Variants in FAAP100 observed in about 807,000 individuals in gnomAD.
FAAP100 encodes the protein FA core complex associated protein 100.
In FAAP100, 46 loss-of-function variants were observed where a neutral mutation model predicts 65.8. The ratio of observed to expected loss-of-function variants is 0.70; its 90% confidence interval spans 0.55 to 0.89. The LOEUF (loss-of-function observed/expected upper bound fraction) is 0.89. Ranked by LOEUF, FAAP100 falls within the 40% of genes least tolerant of loss-of-function variation. FAAP100 has a pLI of 0.00. For synonymous variants in FAAP100, 663 were observed against 555.1 expected, an observed-to-expected ratio of 1.19 and a Z score of -2.73; for missense variants, 1,165 against 1,196.7, an observed-to-expected ratio of 0.97 and a Z score of 0.39.
chr17:81,547,266 G>A lies in FAAP100; in HGVS notation c.1816C>T (p.Leu606Phe). The A allele has an allele frequency of 1.2e-6, 2 of 1,603,754 alleles. No homozygotes were observed. Among genetic ancestry groups the A allele is most frequent in the Non-Finnish European group, 1.7e-6 (2 of 1,173,140 alleles). The change falls in exon 5 of 9, where the codon CTC becomes TTC. Residue 606 changes from leucine (L) to phenylalanine (F), a missense_variant. By Grantham distance (22) the Leu-to-Phe change is conservative. Transcript: ENST00000327787. ...VTVSCTLFYS[L>F]REVVGGALAP... ...AGGGCCCCGCCCACCACCTCCCTGA[G>A]ACTGTAGAACAGCGTGCAGGACACG... is the stretch of plus-strand genomic sequence containing the variant.
Position 81,544,636 on chromosome 17 carries a change from C to A in FAAP100, c.2311-516G>T, listed in dbSNP as rs10871498. 4.2e-3 allele frequency among the ~76,000 whole-genome samples: 645 copies of A among 152,336 alleles called. 2 individuals are homozygous for A. The highest frequency in any genetic ancestry group is 0.01 in the Middle Eastern group (3 of 294). ...CTTAGGAAGGTTGGACTGAGCTGAG[C>A]TGGACAACAAATGGCAAGAACAGGC... On this transcript the variant is annotated intron_variant, in intron 6 of 8. Transcript: ENST00000327787.
At chr17:81,542,985 C>T (rs1337613207) in intron 7 of FAAP100, among the ~76,000 whole-genome samples, 3 of 152,222 alleles carry the variant, frequency 2.0e-5, no homozygotes, top group East Asian at 1.9e-4. Context: ...GCAGCCCCAT[C>T]GTGGTGCCGT....
chr17:81,551,592 C>A (rs2033497008), intron 2 of FAAP100: 4 of 954,114 alleles, frequency 4.2e-6, no homozygotes. Flanking sequence ...GACTCGGGGT[C>A]ACGGTGCCTT....
chr17:81,552,457 G>T, upstream of FAAP100: 3 of 908,756 alleles, frequency 3.3e-6, no homozygotes, highest in Non-Finnish European at 4.3e-6. Flanking sequence ...TGCCGGGGGC[G>T]GGCCGGAAAG....
chr17:81,542,664 C>T (rs766384268), intron 7 of FAAP100, among the ~76,000 whole-genome samples: 1 of 152,188 alleles, frequency 6.6e-6, no homozygotes, highest in Non-Finnish European at 1.5e-5. Flanking sequence ...TGGGCGCTGA[C>T]TCAGGCCCCC....
Position 81,540,830 on chromosome 17 carries a change from T to G in FAAP100, c.2635A>C (p.Ile879Leu), listed in dbSNP as rs11552307. 12,604 of 1,532,580 alleles carry G rather than the reference T, an allele frequency of 8.2e-3. 48 individuals are homozygous for G. Among genetic ancestry groups the G allele is most frequent in the Middle Eastern group, 0.011 (63 of 5,652 alleles). The allele number at this position is 1,532,580 out of a possible 1,614,324, so 94.9% of individuals were successfully genotyped here. Residue 879 changes from isoleucine (I) to leucine (L), a missense_variant, in exon 9 of 9, where the codon ATC becomes CTC. Coordinates refer to ENST00000327787, the MANE Select transcript of FAAP100 (RefSeq NM_025161.6). ...VYRQLRHPSL[I>L]LL ...GCAGGCCCGCCTGGTCACAGCAGGA[T>G]GAGGCTGGGGTGGCGCAGCTGCCGG...
At chr17:81,552,402 G>A, upstream of FAAP100, 3 of 1,252,922 alleles carry the variant, frequency 2.4e-6, no homozygotes, top group Non-Finnish European at 3.0e-6. Context: ...GCGCTTTACG[G>A]CAGCCCGCTG....
At chr17:81,552,461 C>A, upstream of FAAP100, 1 of 857,414 alleles carries the variant, frequency 1.2e-6, no homozygotes, top group East Asian at 3.4e-5. Context: ...GGGGGCGGGC[C>A]GGAAAGGACG....
rs12257 is a variant in FAAP100, at chr17:81,541,353, C to A, written c.2470G>T (p.Asp824Tyr). 1.2e-6 allele frequency: 2 copies of A among 1,611,852 alleles called. No individual in the cohort carries two copies. The highest frequency in any genetic ancestry group is 1.7e-5 in the Admixed American group (1 of 60,012). ...EQATQGSSAP[D>Y]LRVQYLRQIH... ...TGGCGGAGGTACTGCACACGGAGAT[C>A]AGGAGCGCTGGAGCCCTGGGTGGCC... The change falls in exon 8 of 9, where the codon GAT (aspartate) becomes TAT (tyrosine). Residue 824 changes from aspartate to tyrosine, a missense_variant. By Grantham distance (160) the Asp-to-Tyr change is radical (BLOSUM62 -3). Transcript: ENST00000327787.
At chr17:81,546,843 G>T in intron 5 of FAAP100, 66 bp downstream of exon 5, 2 of 1,338,886 alleles carry the variant, frequency 1.5e-6, no homozygotes, top group Non-Finnish European at 9.7e-7. Context: ...AACAGAGCAA[G>T]TTCCTGTCTC....
At position 81,540,488 on chromosome 17, in the gene FAAP100, G is replaced by A. The variant is rs2033043848; in HGVS notation, c.*331C>T. On this transcript the variant is annotated 3_prime_UTR_variant, in exon 9 of 9. Transcript: ENST00000327787. ...TGCCCTGCACTGCCTCCTGGCCTCA[G>A]GGGCTGCTGCGGTGGTGGGAAGGCT... The A allele has an allele frequency of 4.9e-6, 2 of 410,470 alleles. No individual in the cohort carries two copies. The highest frequency in any genetic ancestry group is 8.6e-6 in the Non-Finnish European group (2 of 232,768). The allele number at this position is 410,470 out of a possible 1,614,324, so 25.4% of individuals were successfully genotyped here.
In FAAP100 at chr17:81,544,116, G is replaced by A. The variant is rs2033212763; in HGVS notation, c.2315C>T (p.Ala772Val). 2.5e-6 allele frequency: 4 copies of A among 1,608,808 alleles called. No homozygotes were observed. The highest frequency in any genetic ancestry group is 3.4e-6 in the Non-Finnish European group (4 of 1,176,484). Residue 772 changes from alanine to valine, a missense_variant, in exon 7 of 9, where the codon GCC becomes GTC. Physicochemically the swap from Ala to Val is moderately conservative, Grantham distance 64. Transcript: ENST00000327787. ...ANVHLIVREV[A>V]MTDLCPAGPI... Reference sequence around the variant, plus strand: ...CCCTGCTGGGCACAGGTCAGTCATGGCCACCTGCAACACAGGAGCCACCTC... The same window carrying A: ...CCCTGCTGGGCACAGGTCAGTCATGACCACCTGCAACACAGGAGCCACCTC...
chr17:81,539,982 G>C lies in FAAP100; in HGVS notation c.*837C>G. The C allele has an allele frequency of 2.5e-6, 1 of 398,872 alleles. No homozygotes were observed. Among genetic ancestry groups the C allele is most frequent in the Non-Finnish European group, 4.4e-6 (1 of 226,140 alleles). 24.7% of individuals were successfully genotyped at this position (398,872 alleles called of 1,614,324 possible). On this transcript the variant is annotated 3_prime_UTR_variant, in exon 9 of 9. Transcript: ENST00000327787. ...GCGGACAGTGCCTGCAGCGGGAGCGGCGCGAGCACCCTCCCCAGATGAAAA... is the reference window on the plus strand; with the variant it reads ...GCGGACAGTGCCTGCAGCGGGAGCGCCGCGAGCACCCTCCCCAGATGAAAA...
At position 81,547,311 on chromosome 17, in the gene FAAP100, C is replaced by T. The variant is rs773008304; in HGVS notation, c.1771G>A (p.Gly591Arg). 53 of 1,612,292 alleles carry T rather than the reference C, an allele frequency of 3.3e-5. No individual in the cohort carries two copies. The highest frequency in any genetic ancestry group is 4.3e-5 in the Non-Finnish European group (51 of 1,179,770). Residue 591 changes from glycine (G) to arginine (R), a missense_variant, in exon 5 of 9, where the codon GGG becomes AGG. Coordinates refer to ENST00000327787, the MANE Select transcript of FAAP100 (RefSeq NM_025161.6). ...TLPLGPGENG[G>R]LDLPVTVSCT... is the part of the protein sequence containing the mutation. ...GACACGGTCACGGGCAGGTCGAGCC[C>T]GCCGTTCTCACCAGGGCCCAGGGGT...
intron 3 of FAAP100, 49 bp downstream of exon 3, chr17:81,550,199 G>C: frequency 6.7e-7 from 1 of 1,500,902 alleles, no homozygotes; most frequent in Non-Finnish European, 9.0e-7. Flanking sequence ...AGCCAAAAAG[G>C]GTGCTCCACC....
rs2033528146 is a variant in FAAP100 at position 81,552,325 on chromosome 17, G to A, written c.6C>T (p.Ala2=). The A allele has an allele frequency of 1.4e-6, 2 of 1,388,306 alleles. No individual in the cohort carries two copies. Among genetic ancestry groups the A allele is most frequent in the African/African-American group, 1.5e-5 (1 of 65,398 alleles). 86.0% of individuals were successfully genotyped at this position (1,388,306 alleles called of 1,614,324 possible). A position where few individuals can be genotyped will look rare whatever the true frequency, so the allele number is the denominator to read the frequency against. M[A]GAAPRVRYLA... Reference sequence around the variant, plus strand: ...GGTAGCGGACCCGCGGCGCGGCGCCGGCCATCGTGCGCGCGGGCCCGTCAG... The same window carrying A: ...GGTAGCGGACCCGCGGCGCGGCGCCAGCCATCGTGCGCGCGGGCCCGTCAG... The change falls in exon 1 of 9, where the codon GCC becomes GCT. Residue 2 remains alanine, a synonymous_variant. Transcript: ENST00000327787.
Position 81,547,070 on chromosome 17 carries a change from G to A in FAAP100, c.2012C>T (p.Pro671Leu), listed in dbSNP as rs1167439630. 1 of 1,542,904 alleles carries A rather than the reference G, an allele frequency of 6.5e-7. No homozygotes were observed. The highest frequency in any genetic ancestry group is 8.7e-7 in the Non-Finnish European group (1 of 1,145,010). The change falls in exon 5 of 9, where the codon CCC becomes CTC. Residue 671 changes from proline (P) to leucine (L), a missense_variant. Coordinates refer to ENST00000327787, the MANE Select transcript of FAAP100 (RefSeq NM_025161.6). ...PHTRAPSPLG[P>L]TRDPVATFLE... ...AAAAGTGGCCACAGGGTCTCGGGTG[G>A]GGCCGAGTGGGGAGGGGGCCCGTGT...
intron 7 of FAAP100, among the ~76,000 whole-genome samples, chr17:81,543,006 G>A (rs893478268): frequency 6.6e-6 from 1 of 152,192 alleles, no homozygotes; most frequent in African/African-American, 2.4e-5. Flanking sequence ...GAGATCACTG[G>A]GGTCATGGTG....
chr17:81,539,947 C>G lies in FAAP100; in HGVS notation c.*872G>C. On this transcript the variant is annotated 3_prime_UTR_variant, in exon 9 of 9. Coordinates refer to ENST00000327787, the MANE Select transcript of FAAP100 (RefSeq NM_025161.6). ...AGAGAAGCACCTCACGGCTCCTACC[C>G]GCACTCATCGCGGACAGTGCCTGCA... 2.5e-6 allele frequency: 1 copy of G among 398,874 alleles called. No individual in the cohort carries two copies. Among genetic ancestry groups the G allele is most frequent in the East Asian group, 3.6e-5 (1 of 28,070 alleles). 24.7% of individuals were successfully genotyped at this position (398,874 alleles called of 1,614,324 possible).
Sources: gnomAD v4.1 joint callset for allele counts (sites outside exome capture counted in the v4.1 genomes callset) on GRCh38, gnomAD v4.1.1 for gene constraint, MANE v1.5 for transcripts, NCBI Gene and HGNC (gene_info 2026-07-23, HGNC 2026-07-21) for gene names.